The following UNC5D variants were observed in gnomAD, a reference collection of about 807,000 sequenced individuals.
The protein encoded by UNC5D is netrin receptor UNC5D.
Under a neutral mutation model 105.4 loss-of-function variants are expected in UNC5D, and 39 were observed. The observed-to-expected ratio is 0.37, with a 90% CI of 0.29 to 0.48. UNC5D has a LOEUF of 0.48. Among genes scored for constraint, UNC5D ranks in the 20% least tolerant of loss-of-function variants. The probability of loss-of-function intolerance (pLI) is 0.98; values close to 1 mark genes in which losing one functional copy is unlikely to be tolerated. For synonymous variants in UNC5D, 452 were observed against 450.4 expected (o/e 1.00, Z -0.04); for missense variants, 991 against 1,202.4 (o/e 0.82, Z 2.60).
chr8:35,314,318 G>A (rs1029088463), intron 1 of UNC5D, among the ~76,000 whole-genome samples: 3 of 152,028 alleles, frequency 2.0e-5, no homozygotes, highest in African/African-American at 7.2e-5. Flanking sequence ...TGTTTCTTGG[G>A]TAGACCACAA....
At chr8:35,293,259 T>C (rs1807212293) in intron 1 of UNC5D, among the ~76,000 whole-genome samples, 1 of 152,044 alleles carries the variant, frequency 6.6e-6, no homozygotes, top group Non-Finnish European at 1.5e-5. Flanking sequence ...AATTATAATT[T>C]ATCTGAATTT....
At position 35,645,107 on chromosome 8, in the gene UNC5D, T is replaced by A. The variant is rs1330317764; in HGVS notation, c.571-38440T>A. 2.0e-5 allele frequency among the ~76,000 whole-genome samples: 3 copies of A among 152,246 alleles called. No individual in the cohort carries two copies. In the East Asian group the frequency reaches 5.8e-4, roughly 29 times the overall value. On this transcript the variant is annotated intron_variant, in intron 4 of 16. Transcript: ENST00000404895. Reference sequence around the variant, plus strand: ...CTTCCTACTCTGGCACAGTGAGAGTTCACACACGCAGATTACAACATGTCC... The same window carrying A: ...CTTCCTACTCTGGCACAGTGAGAGTACACACACGCAGATTACAACATGTCC...
At chr8:35,745,545 A>G (rs374828135) in intron 11 of UNC5D, among the ~76,000 whole-genome samples, 1 of 152,224 alleles carries the variant, frequency 6.6e-6, no homozygotes, top group African/African-American at 2.4e-5. Context: ...CACTGATGCA[A>G]TGACAATGTA....
At chr8:35,730,972 GA>G in intron 10 of UNC5D, 39 bp from the exon 11 acceptor site, 1 of 1,599,382 alleles carries the variant, frequency 6.3e-7, no homozygotes, top group East Asian at 2.2e-5. Flanking sequence ...ATGATAATTG[GA>G]AAAATCTATG....
chr8:35,251,927 A>C (rs925644939), intron 1 of UNC5D, among the ~76,000 whole-genome samples: 1 of 152,132 alleles, frequency 6.6e-6, no homozygotes, highest in African/African-American at 2.4e-5. Context: ...CCTGGCCTAC[A>C]CACCTTTGCC....
At chr8:35,244,375 G>C (rs1802965255) in intron 1 of UNC5D, among the ~76,000 whole-genome samples, 1 of 152,096 alleles carries the variant, frequency 6.6e-6, no homozygotes, top group South Asian at 2.1e-4. Context: ...TAGTCCATTT[G>C]ACAGGGATGT....
At chr8:35,597,917 T>G (rs1254595622) in intron 4 of UNC5D, among the ~76,000 whole-genome samples, 1 of 152,152 alleles carries the variant, frequency 6.6e-6, no homozygotes, top group Non-Finnish European at 1.5e-5. Flanking sequence ...TCTGGCCTGG[T>G]GTGACCTTAT....
chr8:35,636,418 C>T (rs1822374155), intron 4 of UNC5D, among the ~76,000 whole-genome samples: 1 of 152,164 alleles, frequency 6.6e-6, no homozygotes, highest in African/African-American at 2.4e-5. Context: ...GGGTGTTTGG[C>T]AGCATCCCTG....
chr8:35,719,257 C>T (rs1347255009), intron 8 of UNC5D, among the ~76,000 whole-genome samples: 2 of 151,576 alleles, frequency 1.3e-5, no homozygotes, highest in African/African-American at 4.8e-5. Context: ...CAGTACTGAA[C>T]ACATGAAAGA....
chr8:35,562,890 G>A (rs181636203), intron 2 of UNC5D, among the ~76,000 whole-genome samples: 177 of 152,144 alleles, frequency 1.2e-3, no homozygotes, highest in Non-Finnish European at 8.8e-4. Flanking sequence ...CTCAACCAGT[G>A]TCCTGGAGAG....
At chr8:35,544,251 A>T in intron 1 of UNC5D, 1 of 941,228 alleles carries the variant, frequency 1.1e-6, no homozygotes, top group Non-Finnish European at 1.5e-6. Flanking sequence ...TTAGCCTACC[A>T]AGGCTCTTTC....
At chr8:35,621,129 G>T (rs1483646042) in intron 4 of UNC5D, among the ~76,000 whole-genome samples, 1 of 152,148 alleles carries the variant, frequency 6.6e-6, no homozygotes, top group African/African-American at 2.4e-5. Flanking sequence ...GTTATTCCTG[G>T]CTGAGAATCC....
At chr8:35,641,366 C>CAAACAAAAAAAAAAAAAAAAAA (rs1822707023) in intron 4 of UNC5D, among the ~76,000 whole-genome samples, 1 of 44,290 alleles carries the variant, frequency 2.3e-5, no homozygotes. Flanking sequence ...AAAAATAAAG[C>CAAACAAAAAAAAAAAAAAAAAA]AAAAAAAAAA....
At chr8:35,328,418 A>G (rs187589486) in intron 1 of UNC5D, among the ~76,000 whole-genome samples, 145 of 152,202 alleles carry the variant, frequency 9.5e-4, no homozygotes, top group African/African-American at 3.3e-3. Context: ...TTTCTAGTCT[A>G]AAGATTGGCT....
intron 1 of UNC5D, among the ~76,000 whole-genome samples, chr8:35,548,360 G>A (rs1815853099): frequency 6.6e-6 from 1 of 152,112 alleles, no homozygotes; most frequent in Non-Finnish European, 1.5e-5. Context: ...GCTTTCTTTG[G>A]TCTTACAGTA....
At chr8:35,533,868 G>A (rs1057330361) in intron 1 of UNC5D, among the ~76,000 whole-genome samples, 17 of 152,140 alleles carry the variant, frequency 1.1e-4, no homozygotes, top group South Asian at 2.1e-4. Context: ...GACCCCTTGC[G>A]CTTCCCAAGT....
rs549656411 is a variant in UNC5D at position 35,260,166 on chromosome 8, C to T, written c.103+24279C>T. Among the ~76,000 whole-genome samples the T allele has an allele frequency of 4.6e-5, 7 of 152,170 alleles. No individual in the cohort carries two copies. The South Asian group carries it at 6.2e-4, about 14-fold the overall frequency. On this transcript the variant is annotated intron_variant, in intron 1 of 16. Coordinates refer to ENST00000404895, the MANE Select transcript of UNC5D (RefSeq NM_080872.4). ...AGTGACAGGTATAGTTATGTCTTCT[C>T]GAAAGTGCAGAGGGAACGGTTCACC...
intron 1 of UNC5D, among the ~76,000 whole-genome samples, chr8:35,529,402 A>G (rs1380573348): frequency 6.8e-6 from 1 of 147,800 alleles, no homozygotes; most frequent in African/African-American, 2.6e-5. Flanking sequence ...TGTTCCATTG[A>G]TCTATATCTC....
At chr8:35,355,863 T>G (rs1801522208) in intron 1 of UNC5D, among the ~76,000 whole-genome samples, 1 of 152,126 alleles carries the variant, frequency 6.6e-6, no homozygotes, top group African/African-American at 2.4e-5. Context: ...AGTTTTCTCC[T>G]CTTGAGGTTG....
Sources: allele counts gnomAD v4.1 joint callset (sites outside exome capture counted in the v4.1 genomes callset), GRCh38; gene constraint gnomAD v4.1.1; transcripts MANE v1.5; gene names NCBI Gene and HGNC (gene_info 2026-07-23, HGNC 2026-07-21).